The following DLGAP1 variants were observed in gnomAD, a reference collection of about 807,000 sequenced individuals.
The protein encoded by DLGAP1 is DLG associated protein 1.
In DLGAP1, 11 loss-of-function variants were observed where a neutral mutation model predicts 90.8. The ratio of observed to expected loss-of-function variants is 0.12; its 90% CI spans 0.08 to 0.20. The LOEUF is 0.20. Among genes scored for constraint, DLGAP1 ranks in the 10% least tolerant of loss-of-function variants. The probability of loss-of-function intolerance (pLI) is 1.00; values close to 1 mark genes in which losing one functional copy is unlikely to be tolerated. For missense variants in DLGAP1, 1,050 were observed against 1,333.8 expected (o/e 0.79, Z 3.31); for synonymous variants, 558 against 540.7 (o/e 1.03, Z -0.44).
chr18:3,879,934 T>C lies in DLGAP1; in HGVS notation c.135A>G (p.Pro45=). 2 of 1,611,734 alleles carry C rather than the reference T, an allele frequency of 1.2e-6. No homozygotes were observed. The highest frequency in any genetic ancestry group is 1.7e-6 in the Non-Finnish European group (2 of 1,179,512). ...SPVEHHPADH[P]YYTQRNSFQA... is the part of the protein sequence containing the mutation. Reference sequence around the variant, plus strand: ...GGAAGGAGTTCCGCTGGGTGTAGTATGGGTGGTCTGCGGGGTGGTGCTCCA... The same window carrying C: ...GGAAGGAGTTCCGCTGGGTGTAGTACGGGTGGTCTGCGGGGTGGTGCTCCA... The change falls in exon 4 of 13, where the codon CCA becomes CCG. Residue 45 remains proline, a synonymous_variant. Transcript: ENST00000315677. The surrounding 1 kb of genome is among the most constrained non-coding windows in gnomAD (Gnocchi z 6.6).
chr18:3,840,401 C>CCATG, intron 4 of DLGAP1, among the ~76,000 whole-genome samples: 1 of 152,260 alleles, frequency 6.6e-6, no homozygotes, highest in Non-Finnish European at 1.5e-5. Flanking sequence ...TCCCCTTGTC[C>CCATG]CATGGTCCCT....
At chr18:4,029,089 T>C (rs928561567) in intron 2 of DLGAP1, among the ~76,000 whole-genome samples, 4 of 152,212 alleles carry the variant, frequency 2.6e-5, no homozygotes, top group African/African-American at 4.8e-5. Context: ...AGATTACACA[T>C]GTAAGTGAGA....
At chr18:4,010,671 C>T (rs1003743136) in intron 2 of DLGAP1, among the ~76,000 whole-genome samples, 1 of 152,152 alleles carries the variant, frequency 6.6e-6, no homozygotes, top group African/African-American at 2.4e-5. Flanking sequence ...CTTTATTTAT[C>T]AAATTTTCAA....
intron 10 of DLGAP1, among the ~76,000 whole-genome samples, chr18:3,523,746 G>C (rs903866621): frequency 3.9e-5 from 6 of 151,994 alleles, no homozygotes; most frequent in Non-Finnish European, 8.8e-5. Context: ...ACACTGGGAG[G>C]CTGAGGCAGG....
chr18:3,716,264 C>A (rs1389353125), intron 7 of DLGAP1, among the ~76,000 whole-genome samples: 1 of 152,210 alleles, frequency 6.6e-6, no homozygotes, highest in Non-Finnish European at 1.5e-5. Context: ...AAAATAGTTT[C>A]TTGGCTGGAT....
intron 10 of DLGAP1, among the ~76,000 whole-genome samples, chr18:3,519,849 G>A (rs889962563): frequency 1.8e-4 from 27 of 152,188 alleles, no homozygotes; most frequent in Middle Eastern, 3.4e-3. Context: ...GGATTTCTCC[G>A]CAACTAGAGT....
chr18:4,260,351 T>G (rs1241887023), intron 1 of DLGAP1, among the ~76,000 whole-genome samples: 3 of 152,214 alleles, frequency 2.0e-5, no homozygotes, highest in Non-Finnish European at 4.4e-5. Flanking sequence ...TACCTTACCA[T>G]GCTGCTGGAA....
intron 1 of DLGAP1, among the ~76,000 whole-genome samples, chr18:4,268,776 G>A (rs1188276657): frequency 1.3e-5 from 2 of 152,070 alleles, no homozygotes; most frequent in Non-Finnish European, 2.9e-5. Flanking sequence ...TAGATTTCAT[G>A]TCTGCTTCTT....
intron 2 of DLGAP1, among the ~76,000 whole-genome samples, chr18:4,133,833 C>T (rs181538641): frequency 9.3e-4 from 141 of 151,952 alleles, no homozygotes; most frequent in Non-Finnish European, 1.5e-3. Flanking sequence ...ACAGTGAGGT[C>T]CTGCGTGAGG....
At chr18:3,753,983 G>T (rs2063607502) in intron 5 of DLGAP1, among the ~76,000 whole-genome samples, 1 of 152,094 alleles carries the variant, frequency 6.6e-6, no homozygotes, top group South Asian at 2.1e-4. Context: ...AATAACCTAT[G>T]CACATCCTCC....
intron 5 of DLGAP1, among the ~76,000 whole-genome samples, chr18:3,778,515 G>A (rs974593998): frequency 1.3e-5 from 2 of 152,128 alleles, no homozygotes; most frequent in African/African-American, 4.8e-5. Context: ...AAAGGATCTA[G>A]GTTAGCAATA....
chr18:3,693,873 T>A (rs1006057197), intron 7 of DLGAP1, among the ~76,000 whole-genome samples: 1 of 151,852 alleles, frequency 6.6e-6, no homozygotes, highest in East Asian at 1.9e-4. Context: ...TGATGTAAGC[T>A]GATGATGGCA....
intron 4 of DLGAP1, among the ~76,000 whole-genome samples, chr18:3,838,250 A>G (rs545230520): frequency 1.3e-5 from 2 of 152,366 alleles, no homozygotes; most frequent in East Asian, 3.9e-4. Context: ...CAGTTGAGCT[A>G]AGGAAATATC....
chr18:3,649,611 C>A (rs2059226827), intron 7 of DLGAP1, among the ~76,000 whole-genome samples: 1 of 152,104 alleles, frequency 6.6e-6, no homozygotes, highest in African/African-American at 2.4e-5. Flanking sequence ...CAAGAGAAGT[C>A]TTTATTTTAT....
At chr18:3,516,223 T>C (rs2050837712) in intron 10 of DLGAP1, among the ~76,000 whole-genome samples, 1 of 152,162 alleles carries the variant, frequency 6.6e-6, no homozygotes, top group Non-Finnish European at 1.5e-5. Context: ...TTTTTCTTTT[T>C]TTTTTAATTT....
chr18:4,309,481 C>G (rs758120316), intron 1 of DLGAP1, among the ~76,000 whole-genome samples: 2 of 152,102 alleles, frequency 1.3e-5, no homozygotes, highest in African/African-American at 2.4e-5. Context: ...GAGGTCAGCT[C>G]TGGAAGGCTG....
chr18:4,068,169 T>C (rs1213298925), intron 2 of DLGAP1, among the ~76,000 whole-genome samples: 1 of 152,012 alleles, frequency 6.6e-6, no homozygotes, highest in Non-Finnish European at 1.5e-5. Context: ...ACTAATCTTC[T>C]CTCTTTTTAT....
chr18:3,575,251 A>G (rs2055054780), intron 8 of DLGAP1, among the ~76,000 whole-genome samples: 1 of 152,192 alleles, frequency 6.6e-6, no homozygotes, highest in African/African-American at 2.4e-5. Context: ...ATATCTGTAC[A>G]CTTGGACAGG....
intron 1 of DLGAP1, among the ~76,000 whole-genome samples, chr18:4,446,711 T>C (rs767012398): frequency 6.6e-6 from 1 of 152,174 alleles, no homozygotes; most frequent in Non-Finnish European, 1.5e-5. Context: ...AATTTAAACA[T>C]AATCTTTTCA....
Sources: allele counts gnomAD v4.1 joint callset (sites outside exome capture counted in the v4.1 genomes callset), GRCh38; gene constraint gnomAD v4.1.1; non-coding constraint Gnocchi (gnomAD v3.1); transcripts MANE v1.5; gene names NCBI Gene and HGNC (gene_info 2026-07-23, HGNC 2026-07-21).